DIP2C: variants seen among roughly 807,000 people sequenced by gnomAD.
DIP2C encodes the protein DIP2 acetate--CoA ligase C (putative).
DIP2C carries 33 observed loss-of-function variants against 192.4 expected under a neutral mutation model. That is an observed-to-expected ratio of 0.17 (90% CI 0.13 to 0.23). The LOEUF (loss-of-function observed/expected upper bound fraction) is 0.23, where lower values mean the gene tolerates loss of function less well. Ranked by LOEUF, DIP2C falls within the 10% of genes least tolerant of loss-of-function variation. The pLI, the probability that DIP2C is intolerant of heterozygous loss-of-function variation, is 1.00. For missense variants in DIP2C, 1,537 were observed against 2,110.1 expected, an observed-to-expected ratio of 0.73 and a Z score of 5.32; for synonymous variants, 979 against 864.1, an observed-to-expected ratio of 1.13 and a Z score of -2.33.
At chr10:417,741 AGGGCTCGGATAGGCATCCCTGTCCAC>A (rs1965788454) in intron 6 of DIP2C, among the ~76,000 whole-genome samples, 1 of 129,076 alleles carries the variant, frequency 7.7e-6, no homozygotes, top group Non-Finnish European at 1.6e-5. Flanking sequence ...TGCGCCTGTC[AGGGCTCGGATAGGCATCCCTGTCCAC>A]CTGCACCTGT....
At chr10:325,081 C>T (rs187387902) in intron 31 of DIP2C, 133 of 410,266 alleles carry the variant, frequency 3.2e-4, no homozygotes, top group African/African-American at 1.9e-3. Context: ...CTGGCTAACA[C>T]GGTGAAACCC....
At chr10:619,368 G>GA (rs1853686846) in intron 1 of DIP2C, among the ~76,000 whole-genome samples, 2 of 152,208 alleles carry the variant, frequency 1.3e-5, no homozygotes, top group Admixed American at 6.5e-5. Context: ...TGGCTCCGGG[G>GA]AAGCGACCGT....
intron 26 of DIP2C, among the ~76,000 whole-genome samples, chr10:346,656 C>T (rs1212079383): frequency 7.2e-6 from 1 of 138,442 alleles, no homozygotes; most frequent in Non-Finnish European, 1.5e-5. Context: ...CCAGACATAT[C>T]GCGTATAGTT....
chr10:603,120 ATT>A (rs887314988), intron 1 of DIP2C, among the ~76,000 whole-genome samples: 10 of 151,980 alleles, frequency 6.6e-5, no homozygotes, highest in African/African-American at 2.4e-4. Flanking sequence ...CTGGCATGTC[ATT>A]TGTGTTAATA....
Position 561,294 on chromosome 10 carries a change from G to A in DIP2C, c.86-74764C>T, listed in dbSNP as rs151170487. ...TTCATGTGTATTTATTTTGGGGCAG[G>A]TTAAAGGGGACTCACAATGGATTGG... On this transcript the variant is annotated intron_variant, in intron 1 of 36. Coordinates refer to ENST00000280886, the MANE Select transcript of DIP2C (RefSeq NM_014974.3). Among the ~76,000 whole-genome samples the A allele has an allele frequency of 6.0e-3, 920 of 152,226 alleles. 8 individuals are homozygous for A. The highest frequency in any genetic ancestry group is 0.02 in the African/African-American group (843 of 41,526).
intron 21 of DIP2C, among the ~76,000 whole-genome samples, chr10:362,901 A>G (rs1959704541): frequency 6.6e-6 from 1 of 152,180 alleles, no homozygotes. Context: ...AAGACCATAC[A>G]CAGTAAAAAA....
At chr10:606,811 G>C (rs956882555) in intron 1 of DIP2C, among the ~76,000 whole-genome samples, 1 of 151,902 alleles carries the variant, frequency 6.6e-6, no homozygotes, top group African/African-American at 2.4e-5. Flanking sequence ...AGCTACACAC[G>C]CACATCTGAC....
chr10:293,972 A>G (rs1449866438), intron 32 of DIP2C, among the ~76,000 whole-genome samples: 1 of 152,216 alleles, frequency 6.6e-6, no homozygotes, highest in Non-Finnish European at 1.5e-5. Context: ...GAGAGAAAAC[A>G]GAGGAATGTT....
intron 34 of DIP2C, among the ~76,000 whole-genome samples, chr10:284,744 TCACA>T (rs201336183): frequency 6.6e-6 from 1 of 151,410 alleles, no homozygotes; most frequent in South Asian, 2.1e-4. Context: ...AATGTTCTCA[TCACA>T]CACACACACA....
At chr10:531,100 C>T (rs746229628) in intron 1 of DIP2C, among the ~76,000 whole-genome samples, 1 of 152,210 alleles carries the variant, frequency 6.6e-6, no homozygotes, top group East Asian at 1.9e-4. Flanking sequence ...CGCCCAACAG[C>T]TCATCTTTGG....
At chr10:425,463 GTGGTGA>G (rs1966526869) in intron 4 of DIP2C, among the ~76,000 whole-genome samples, 2 of 151,238 alleles carry the variant, frequency 1.3e-5, no homozygotes, top group Non-Finnish European at 2.9e-5. Flanking sequence ...AGCATGACCA[GTGGTGA>G]CTAATGTGAA....
chr10:387,836 T>C, intron 13 of DIP2C, 27 bp from the exon 14 acceptor site: 1 of 1,613,600 alleles, frequency 6.2e-7, no homozygotes, highest in South Asian at 1.1e-5. Flanking sequence ...GTCAGGAGAT[T>C]TTTACTTAGG....
At chr10:446,775 G>A (rs764041000) in intron 3 of DIP2C, among the ~76,000 whole-genome samples, 29 of 152,348 alleles carry the variant, frequency 1.9e-4, no homozygotes, top group African/African-American at 5.1e-4. Context: ...CAGGAAATTC[G>A]TATAACGACT....
At chr10:555,524 A>T (rs546763642) in intron 1 of DIP2C, among the ~76,000 whole-genome samples, 48 of 152,276 alleles carry the variant, frequency 3.2e-4, no homozygotes, top group African/African-American at 1.1e-3. Flanking sequence ...GGCTGACAGG[A>T]CTGGCCCACC....
intron 7 of DIP2C, among the ~76,000 whole-genome samples, chr10:414,735 G>GTATATATATATATATATATATATATATA (rs1377828086): frequency 9.4e-5 from 5 of 53,084 alleles, no homozygotes; most frequent in East Asian, 1.5e-3. Context: ...GTGTGTGTGT[G>GTATATATATATATATATATATATATATA]TGTGTACATA....
chr10:574,919 G>A (rs763276899), intron 1 of DIP2C, among the ~76,000 whole-genome samples: 9 of 152,158 alleles, frequency 5.9e-5, no homozygotes, highest in Admixed American at 3.3e-4. Context: ...ACAGAAGAGA[G>A]CTATGAAGTT....
intron 1 of DIP2C, among the ~76,000 whole-genome samples, chr10:680,278 T>C (rs1260497188): frequency 6.6e-6 from 1 of 152,160 alleles, no homozygotes; most frequent in Non-Finnish European, 1.5e-5. Context: ...CGTCCCAGCA[T>C]GCTAAAAATC....
chr10:392,782 C>T (rs538776394), intron 10 of DIP2C, among the ~76,000 whole-genome samples: 43 of 151,948 alleles, frequency 2.8e-4, no homozygotes, highest in Non-Finnish European at 4.0e-4. Context: ...CTCTCACACG[C>T]GCCCATGCAC....
intron 17 of DIP2C, among the ~76,000 whole-genome samples, chr10:378,330 C>T (rs900537595): frequency 1.3e-5 from 2 of 152,118 alleles, no homozygotes; most frequent in Non-Finnish European, 2.9e-5. Context: ...CACATGAACA[C>T]GAAGGTGAAA....
Sources: gnomAD v4.1 joint callset for allele counts (sites outside exome capture counted in the v4.1 genomes callset) on GRCh38, gnomAD v4.1.1 for gene constraint, MANE v1.5 for transcripts, NCBI Gene and HGNC (gene_info 2026-07-23, HGNC 2026-07-21) for gene names.